EYS: variants seen among roughly 807,000 people sequenced by gnomAD.
EYS encodes the protein protein eyes shut homolog.
Under a neutral mutation model 282.1 loss-of-function variants are expected in EYS, and 250 were observed. That is an observed-to-expected ratio of 0.89 (90% CI 0.80 to 0.98). The LOEUF is 0.98. Ranked by LOEUF, EYS falls within the 50% of genes least tolerant of loss-of-function variation. EYS has a pLI of 0.00. For synonymous variants in EYS, 1,355 were observed against 1,282.9 expected (o/e 1.06, Z -1.20); for missense variants, 4,016 against 3,709.0 (o/e 1.08, Z -2.15).
At chr6:65,342,764 C>A (rs1687021627) in intron 10 of EYS, among the ~76,000 whole-genome samples, 1 of 150,418 alleles carries the variant, frequency 6.6e-6, no homozygotes, top group Admixed American at 6.6e-5. Flanking sequence ...CCAAAATGAT[C>A]TTAGATTGCT....
chr6:65,451,501 C>T (rs549888263), intron 5 of EYS, among the ~76,000 whole-genome samples: 1 of 151,972 alleles, frequency 6.6e-6, no homozygotes, highest in East Asian at 1.9e-4. Flanking sequence ...CTGAAAGATA[C>T]ACAATCACAG....
At chr6:64,667,888 T>G (rs1737661033) in intron 22 of EYS, among the ~76,000 whole-genome samples, 1 of 152,170 alleles carries the variant, frequency 6.6e-6, no homozygotes, top group South Asian at 2.1e-4. Flanking sequence ...TGAGCCAGTA[T>G]TTGCAGGTAA....
At chr6:64,841,943 G>A (rs185096410) in intron 19 of EYS, among the ~76,000 whole-genome samples, 75 of 152,128 alleles carry the variant, frequency 4.9e-4, no homozygotes, top group African/African-American at 1.7e-3. Flanking sequence ...TGGAAATCAA[G>A]CAAGTGATGG....
intron 1 of EYS, among the ~76,000 whole-genome samples, chr6:65,647,659 T>G (rs957450275): frequency 6.6e-6 from 1 of 151,960 alleles, no homozygotes; most frequent in Non-Finnish European, 1.5e-5. Flanking sequence ...AACAAAGATA[T>G]TGTAAATAGA....
chr6:64,254,169 T>C (rs1767315902), intron 30 of EYS, among the ~76,000 whole-genome samples: 1 of 152,118 alleles, frequency 6.6e-6, no homozygotes, highest in South Asian at 2.1e-4. Flanking sequence ...ACTGTACCCA[T>C]GTCTTCCCCA....
At chr6:64,326,993 T>C (rs1325438873) in intron 29 of EYS, among the ~76,000 whole-genome samples, 2 of 151,984 alleles carry the variant, frequency 1.3e-5, no homozygotes, top group East Asian at 1.9e-4. Flanking sequence ...ACACCCTAAC[T>C]GACACCAGAT....
intron 37 of EYS, among the ~76,000 whole-genome samples, chr6:63,803,871 T>C (rs1770838195): frequency 6.6e-6 from 1 of 152,072 alleles, no homozygotes; most frequent in Non-Finnish European, 1.5e-5. Context: ...TAAATTAAAG[T>C]AATGGCAATG....
At chr6:65,344,507 T>C (rs1007482366) in intron 9 of EYS, among the ~76,000 whole-genome samples, 1 of 151,440 alleles carries the variant, frequency 6.6e-6, no homozygotes, top group Admixed American at 6.6e-5. Context: ...AACACTGTCC[T>C]ATAACAAAAA....
intron 1 of EYS, among the ~76,000 whole-genome samples, chr6:65,656,942 AT>A (rs1767851230): frequency 6.6e-6 from 1 of 151,882 alleles, no homozygotes; most frequent in Non-Finnish European, 1.5e-5. Flanking sequence ...GTAGCTGGTG[AT>A]TTTAAAGTTG....
chr6:65,267,209 A>G (rs1767781046), intron 12 of EYS, among the ~76,000 whole-genome samples: 2 of 151,848 alleles, frequency 1.3e-5, no homozygotes, highest in East Asian at 1.9e-4. Context: ...TTCAATTATG[A>G]TTGGGTAAAA....
chr6:65,584,676 A>C (rs1470355875), intron 2 of EYS, among the ~76,000 whole-genome samples: 2 of 151,966 alleles, frequency 1.3e-5, no homozygotes, highest in African/African-American at 4.8e-5. Flanking sequence ...GTCCCCATCC[A>C]AAGTTTATGG....
intron 14 of EYS, among the ~76,000 whole-genome samples, chr6:64,985,637 T>G (rs996444649): frequency 6.6e-6 from 1 of 151,542 alleles, no homozygotes; most frequent in Non-Finnish European, 1.5e-5. Flanking sequence ...TTCTTTAAAA[T>G]AAAGTCTGAT....
intron 12 of EYS, among the ~76,000 whole-genome samples, chr6:65,158,429 G>T (rs1443503542): frequency 6.6e-6 from 1 of 150,752 alleles, no homozygotes; most frequent in African/African-American, 2.4e-5. Context: ...TTAATGCCCA[G>T]TAACATTCTT....
chr6:65,393,249 C>A (rs892317248), intron 7 of EYS, among the ~76,000 whole-genome samples: 3 of 152,004 alleles, frequency 2.0e-5, no homozygotes, highest in South Asian at 4.1e-4. Flanking sequence ...GTGCAGCGCA[C>A]CAGCATGGCA....
chr6:64,934,806 A>C (rs1216704936), intron 15 of EYS, among the ~76,000 whole-genome samples: 1 of 151,874 alleles, frequency 6.6e-6, no homozygotes, highest in Non-Finnish European at 1.5e-5. Flanking sequence ...ATAGAATCTT[A>C]ATTATTCACA....
At chr6:63,883,820 T>A (rs1773193496) in intron 35 of EYS, among the ~76,000 whole-genome samples, 1 of 152,228 alleles carries the variant, frequency 6.6e-6, no homozygotes, top group Non-Finnish European at 1.5e-5. Context: ...TTCTTTCTCT[T>A]TTGTATGATA....
chr6:65,447,454 G>T (rs1768717512), intron 5 of EYS, among the ~76,000 whole-genome samples: 1 of 149,904 alleles, frequency 6.7e-6, no homozygotes, highest in Non-Finnish European at 1.5e-5. Context: ...TTTTTTTAGT[G>T]TATATGTGTG....
chr6:63,834,812 T>C (rs1013215934), intron 36 of EYS, among the ~76,000 whole-genome samples: 16 of 151,830 alleles, frequency 1.1e-4, no homozygotes, highest in African/African-American at 3.1e-4. Flanking sequence ...CAAATGTCCA[T>C]CAATGATAGA....
intron 2 of EYS, among the ~76,000 whole-genome samples, chr6:65,552,216 A>G (rs1045629055): frequency 2.6e-5 from 4 of 152,198 alleles, no homozygotes; most frequent in Admixed American, 1.3e-4. Context: ...CTTTCATGGC[A>G]TCTCAAACTT....
Sources: gnomAD v4.1 joint callset for allele counts (sites outside exome capture counted in the v4.1 genomes callset) on GRCh38, gnomAD v4.1.1 for gene constraint, MANE v1.5 for transcripts, NCBI Gene and HGNC (gene_info 2026-07-23, HGNC 2026-07-21) for gene names.